LY96: variants seen among roughly 807,000 people sequenced by gnomAD.
The protein encoded by LY96 is myeloid differentiation protein-2.
LY96 carries 18 observed loss-of-function variants against 18.9 expected under a neutral mutation model. The observed-to-expected ratio is 0.95, with a 90% confidence interval of 0.66 to 1.41. The LOEUF is 1.41. Ranked by LOEUF, LY96 falls within the 40% of genes most tolerant of loss-of-function variation. The pLI, the probability that LY96 is intolerant of heterozygous loss-of-function variation, is 0.00. For missense variants in LY96, 175 were observed against 182.4 expected (o/e 0.96, Z 0.23); for synonymous variants, 66 against 62.6 (o/e 1.06, Z -0.26).
the LY96 span, among the ~76,000 whole-genome samples, chr8:74,047,692 C>T: frequency 6.6e-6 from 1 of 152,166 alleles, no homozygotes; most frequent in Admixed American, 6.5e-5. Context: ...AGAGTTTTCA[C>T]ATCTCTAAAA....
At chr8:74,038,028 A>G in the LY96 span, among the ~76,000 whole-genome samples, 41,815 of 152,084 alleles carry the variant, frequency 0.27, 7,105 homozygotes, top group African/African-American at 0.48. Context: ...TCTTATGGGT[A>G]CATAGTAGGT....
intron 3 of LY96, among the ~76,000 whole-genome samples, chr8:74,018,913 C>T (rs529829826): frequency 7.9e-4 from 121 of 152,286 alleles, no homozygotes; most frequent in Non-Finnish European, 1.1e-3. Flanking sequence ...CTCTGGGACA[C>T]ATTTAAATCA....
At chr8:73,995,912 G>A (rs58916587) in intron 1 of LY96, among the ~76,000 whole-genome samples, 8,491 of 152,258 alleles carry the variant, frequency 0.056, 280 homozygotes, top group Non-Finnish European at 0.076. Flanking sequence ...TCAGATGGTG[G>A]TAATTGCTGT....
At chr8:74,093,285 G>A in the LY96 span, among the ~76,000 whole-genome samples, 1 of 152,148 alleles carries the variant, frequency 6.6e-6, no homozygotes, top group East Asian at 1.9e-4. Context: ...TCATATTTGT[G>A]ACATTGTTTT....
intron 3 of LY96, among the ~76,000 whole-genome samples, chr8:74,011,998 C>G: frequency 6.6e-6 from 1 of 152,006 alleles, no homozygotes; most frequent in East Asian, 1.9e-4. Flanking sequence ...GAGATATCAT[C>G]TTACCCCAGC....
downstream of LY96, among the ~76,000 whole-genome samples, chr8:74,032,891 A>G (rs1048254069): frequency 1.4e-4 from 22 of 152,192 alleles, no homozygotes; most frequent in Non-Finnish European, 2.4e-4. Flanking sequence ...TATCCTGAGA[A>G]GGAGATTGCC....
intron 3 of LY96, among the ~76,000 whole-genome samples, chr8:74,025,931 C>T (rs1301610076): frequency 2.6e-5 from 4 of 152,014 alleles, no homozygotes; most frequent in African/African-American, 9.7e-5. Context: ...TCTCTTGAAC[C>T]CGTGAGGCAG....
intron 2 of LY96, among the ~76,000 whole-genome samples, chr8:74,006,005 C>T (rs1816401757): frequency 6.6e-6 from 1 of 152,174 alleles, no homozygotes; most frequent in African/African-American, 2.4e-5. Flanking sequence ...ACAACAACAA[C>T]AAAATCCCCA....
At chr8:74,054,617 CTTCTTTCTTTCTTTCTTTCTTTCTTTCT>C in the LY96 span, among the ~76,000 whole-genome samples, 32 of 70,172 alleles carry the variant, frequency 4.6e-4, no homozygotes, top group African/African-American at 1.6e-3. Flanking sequence ...TTTCCTTTTC[CTTCTTTCTTTCTTTCTTTCTTTCTTTCT>C]TTCTTTCTTT....
chr8:74,061,734 T>C, the LY96 span, among the ~76,000 whole-genome samples: 1 of 152,234 alleles, frequency 6.6e-6, no homozygotes, highest in Non-Finnish European at 1.5e-5. Context: ...AAACCTTAGT[T>C]GTGCATTTTC....
chr8:74,021,739 C>T (rs1032772146), intron 3 of LY96, among the ~76,000 whole-genome samples: 2 of 152,110 alleles, frequency 1.3e-5, no homozygotes, highest in African/African-American at 4.8e-5. Context: ...TACTATGCAG[C>T]CATAAAAAAC....
the LY96 span, among the ~76,000 whole-genome samples, chr8:74,087,795 T>C: frequency 6.6e-6 from 1 of 152,214 alleles, no homozygotes; most frequent in Non-Finnish European, 1.5e-5. Context: ...AGGAAAGGCA[T>C]AGTTTGTCCT....
At chr8:74,092,765 C>T in the LY96 span, among the ~76,000 whole-genome samples, 29 of 152,260 alleles carry the variant, frequency 1.9e-4, no homozygotes, top group East Asian at 5.4e-3. Context: ...TCATCCCGTG[C>T]CACTCTGTCT....
At chr8:74,024,174 T>A (rs1816823371) in intron 3 of LY96, among the ~76,000 whole-genome samples, 1 of 151,974 alleles carries the variant, frequency 6.6e-6, no homozygotes, top group Non-Finnish European at 1.5e-5. Context: ...TATCCAAATA[T>A]CCAAAGCAAA....
the LY96 span, among the ~76,000 whole-genome samples, chr8:74,075,855 A>T: frequency 6.6e-6 from 1 of 152,166 alleles, no homozygotes; most frequent in Non-Finnish European, 1.5e-5. Context: ...GAACTGTTGC[A>T]AATTGGATTC....
chr8:74,081,048 T>TTTTC, the LY96 span, among the ~76,000 whole-genome samples: 1 of 97,072 alleles, frequency 1.0e-5, no homozygotes, highest in East Asian at 2.8e-4. Flanking sequence ...CTTTCTTTCT[T>TTTTC]TTTCTTTCTT....
chr8:74,038,282 GTATTACTCATCTTTTAAAC>G, the LY96 span, among the ~76,000 whole-genome samples: 1 of 151,958 alleles, frequency 6.6e-6, no homozygotes, highest in Non-Finnish European at 1.5e-5. Flanking sequence ...CAAATATTAG[GTATTACTCATCTTTTAAAC>G]TATTTTTTTT....
chr8:74,092,979 T>G, the LY96 span, among the ~76,000 whole-genome samples: 1 of 152,218 alleles, frequency 6.6e-6, no homozygotes, highest in Non-Finnish European at 1.5e-5. Context: ...GTTAAAAGTC[T>G]TTCATGGTTT....
the LY96 span, among the ~76,000 whole-genome samples, chr8:74,064,977 C>T: frequency 6.6e-6 from 1 of 152,060 alleles, no homozygotes; most frequent in Non-Finnish European, 1.5e-5. Flanking sequence ...GGGGTGTAAA[C>T]CAAAAACAAA....
Sources: gnomAD v4.1 joint callset for allele counts (sites outside exome capture counted in the v4.1 genomes callset) on GRCh38, gnomAD v4.1.1 for gene constraint, MANE v1.5 for transcripts, NCBI Gene and HGNC (gene_info 2026-07-23, HGNC 2026-07-21) for gene names.